CEP192: variants seen among roughly 807,000 people sequenced by gnomAD.
The protein encoded by CEP192 is centrosomal protein of 192 kDa.
A neutral mutation model predicts 271.8 loss-of-function variants in CEP192; 151 were observed. That is an observed-to-expected ratio of 0.56 (90% CI 0.49 to 0.64). The LOEUF (loss-of-function observed/expected upper bound fraction) is 0.64, where lower values mean the gene tolerates loss of function less well. Ranked by LOEUF, CEP192 falls within the 30% of genes least tolerant of loss-of-function variation. The probability of loss-of-function intolerance (pLI) is 0.00; values close to 1 mark genes in which losing one functional copy is unlikely to be tolerated. For missense variants in CEP192, 2,910 were observed against 3,020.5 expected (o/e 0.96, Z 0.86); for synonymous variants, 995 against 1,076.5 (o/e 0.92, Z 1.48).
At chr18:13,080,266 T>C (rs1174218309) in intron 30 of CEP192, among the ~76,000 whole-genome samples, 2 of 152,256 alleles carry the variant, frequency 1.3e-5, no homozygotes, top group African/African-American at 4.8e-5. Flanking sequence ...TTCCTATCCA[T>C]GAGCATGGAA....
chr18:13,076,950 A>G (rs772033778), intron 30 of CEP192, among the ~76,000 whole-genome samples: 1 of 151,960 alleles, frequency 6.6e-6, no homozygotes, highest in Non-Finnish European at 1.5e-5. Context: ...CACCCGGCTA[A>G]TTTTTGTATT....
At chr18:13,112,455 A>T (rs752974852) in intron 40 of CEP192, among the ~76,000 whole-genome samples, 17 of 152,242 alleles carry the variant, frequency 1.1e-4, no homozygotes, top group Non-Finnish European at 2.1e-4. Flanking sequence ...CCTGCTTTCC[A>T]GGGGATTAGC....
intron 4 of CEP192, among the ~76,000 whole-genome samples, chr18:13,011,592 G>T (rs2034365046): frequency 6.6e-6 from 1 of 152,092 alleles, no homozygotes; most frequent in African/African-American, 2.4e-5. Flanking sequence ...TCTTGGCTCA[G>T]TGCAGCCTCT....
In CEP192 at chr18:13,087,638, G is replaced by GT; in HGVS notation, c.5986dup (p.Tyr1996LeufsTer8). 1.3e-6 allele frequency: 2 copies of GT among 1,488,414 alleles called. No homozygotes were observed. The highest frequency in any genetic ancestry group is 1.8e-6 in the Non-Finnish European group (2 of 1,091,450). 92.2% of individuals were successfully genotyped at this position (1,488,414 alleles called of 1,614,324 possible). On this transcript the variant is annotated frameshift_variant, in exon 32 of 45. Transcript: ENST00000506447. LOFTEE classifies it high-confidence loss of function. ...GTGGAGATGAAATTTCAAGACAGCA[G>GT]TATCGCAGGTAGATTACTTATCTTA...
rs2038104000 is a variant in CEP192 at position 13,073,168 on chromosome 18, C to G, written c.5599C>G (p.Pro1867Ala). 6.2e-7 allele frequency: 1 copy of G among 1,609,754 alleles called. No individual in the cohort carries two copies. Among genetic ancestry groups the G allele is most frequent in the East Asian group, 2.2e-5 (1 of 44,850 alleles). The stretch of plus-strand genomic sequence containing the variant: ...CAAACAACTTGGAAATCGATCACAA[C>G]CAGGCATTAAGTTCACAGTAAGATC... ...EIKQLGNRSQ[P>A]GIKFTIPLSG... The change falls in exon 30 of 45, where the codon CCA becomes GCA. Residue 1867 changes from proline to alanine, a missense_variant. By Grantham distance (27) the Pro-to-Ala change is conservative (BLOSUM62 -1). Transcript: ENST00000506447.
At chr18:13,015,177 A>G (rs959452094) in intron 5 of CEP192, 151 bp from the exon 6 acceptor site, 42 of 682,168 alleles carry the variant, frequency 6.2e-5, no homozygotes, top group Admixed American at 2.0e-4. Context: ...TAATACATGT[A>G]CAATTGCTAG....
chr18:13,026,599 A>C (rs1001780307), intron 9 of CEP192, among the ~76,000 whole-genome samples: 3 of 152,002 alleles, frequency 2.0e-5, no homozygotes, highest in Admixed American at 2.0e-4. Flanking sequence ...TTGTCTTTGC[A>C]TTCAGTTTTA....
Position 13,056,021 on chromosome 18 carries a change from G to T in CEP192, c.3431G>T (p.Ser1144Ile). 6.2e-7 allele frequency: 1 copy of T among 1,614,212 alleles called. No homozygotes were observed. Among genetic ancestry groups the T allele is most frequent in the South Asian group, 1.1e-5 (1 of 91,086 alleles). The change falls in exon 19 of 45, where the codon AGT becomes ATT. Residue 1144 changes from serine (S) to isoleucine (I), a missense_variant. Ser to Ile is a moderately radical substitution (Grantham distance 142). Transcript: ENST00000506447. ...FRWSKDPSSK[S>I]GNLLETSEVG... ...TGGAGTAAAGATCCTTCCTCCAAAAGTGGAAATCTGTTGGAAACCAGTGAG... is the reference window on the plus strand; with the variant it reads ...TGGAGTAAAGATCCTTCCTCCAAAATTGGAAATCTGTTGGAAACCAGTGAG...
rs1433612160 is a variant in CEP192 at position 13,068,221 on chromosome 18, C to T, written c.4742C>T (p.Ala1581Val). The T allele has an allele frequency of 2.3e-5, 37 of 1,614,050 alleles. No homozygotes were observed. The highest frequency in any genetic ancestry group is 3.1e-5 in the Non-Finnish European group (37 of 1,180,004). Residue 1581 changes from alanine to valine, a missense_variant, in exon 23 of 45, where the codon GCT (alanine) becomes GTT (valine). By Grantham distance (64) the Ala-to-Val change is moderately conservative (BLOSUM62 0). Transcript: ENST00000506447. The part of the protein sequence containing the change: ...GPSVVNHMMP[A>V]SYDGQDPEFL... ...TCTGTGGTCAACCACATGATGCCTGCTAGTTATGATGGACAGGTGGGAGAG... is the reference window on the plus strand; with the variant it reads ...TCTGTGGTCAACCACATGATGCCTGTTAGTTATGATGGACAGGTGGGAGAG...
chr18:13,069,188 A>C lies in CEP192; in HGVS notation c.5055+7A>C, dbSNP rs745918592. The stretch of plus-strand genomic sequence containing the variant: ...AGTTTATTTGGATATCAAGGTATGC[A>C]CTTCCATGAGAGTGCCATAAGATAG... On this transcript the variant is annotated splice_region_variant and intron_variant, in intron 26 of 44. Transcript: ENST00000506447. 3 of 1,608,530 alleles carry C rather than the reference A, an allele frequency of 1.9e-6. No homozygotes were observed. The South Asian group carries it at 3.3e-5, about 18-fold the overall frequency.
At chr18:13,121,885 C>T (rs866181175) in intron 44 of CEP192, among the ~76,000 whole-genome samples, 13 of 152,376 alleles carry the variant, frequency 8.5e-5, no homozygotes, top group Middle Eastern at 3.4e-3. Flanking sequence ...AGTGACTTCT[C>T]ACCCATGTGT....
At chr18:12,994,642 A>G (rs1219976861) in intron 1 of CEP192, among the ~76,000 whole-genome samples, 1 of 152,212 alleles carries the variant, frequency 6.6e-6, no homozygotes, top group Admixed American at 6.5e-5. Flanking sequence ...TGTTTGGAAC[A>G]TAGACATGTT....
intron 34 of CEP192, among the ~76,000 whole-genome samples, chr18:13,094,278 G>A (rs959127013): frequency 6.6e-6 from 1 of 152,188 alleles, no homozygotes; most frequent in Non-Finnish European, 1.5e-5. Context: ...CAAACTGTGA[G>A]CATCCATTGA....
In CEP192 at chr18:13,056,507, A is replaced by C. The variant is rs771274897; in HGVS notation, c.3917A>C (p.Asn1306Thr). 1 of 1,614,122 alleles carries C rather than the reference A, an allele frequency of 6.2e-7. No individual in the cohort carries two copies. The highest frequency in any genetic ancestry group is 8.5e-7 in the Non-Finnish European group (1 of 1,180,018). The change falls in exon 19 of 45, where the codon AAC (asparagine) becomes ACC (threonine). Residue 1306 changes from asparagine (N) to threonine (T), a missense_variant. Asn to Thr is a moderately conservative substitution (Grantham distance 65). Transcript: ENST00000506447. ...YPAVAGEPVQ[N>T]SVAVGICLGS... ...GCTGTTGCAGGAGAGCCTGTGCAGA[A>C]CTCTGTGGCTGTGGGAATTTGTCTA...
intron 11 of CEP192, among the ~76,000 whole-genome samples, chr18:13,033,652 A>T (rs2035754773): frequency 6.6e-6 from 1 of 152,244 alleles, no homozygotes; most frequent in African/African-American, 2.4e-5. Context: ...ACAACGTTAG[A>T]AGCAATGTAG....
chr18:13,038,335 G>A (rs2143743404), intron 12 of CEP192, 35 bp from the exon 13 acceptor site: 1 of 1,483,814 alleles, frequency 6.7e-7, no homozygotes, highest in South Asian at 1.2e-5. Context: ...GTGACTTGCT[G>A]GGGGAAAGAA....
chr18:13,088,457 A>G (rs950566338), intron 32 of CEP192, among the ~76,000 whole-genome samples: 18 of 152,196 alleles, frequency 1.2e-4, no homozygotes, highest in African/African-American at 4.3e-4. Context: ...ATAAATACAT[A>G]CATACATAAA....
rs752765929 is a variant in CEP192, at chr18:13,049,471, G to C, written c.2680G>C (p.Asp894His). 1 of 1,613,920 alleles carries C rather than the reference G, an allele frequency of 6.2e-7. No homozygotes were observed. The highest frequency in any genetic ancestry group is 1.3e-5 in the African/African-American group (1 of 74,908). Reference sequence around the variant, plus strand: ...CAACAAATTACAAGATGTTGGTAACGATGAAAAAGCTACCTCAATTTCCAC... The same window carrying C: ...CAACAAATTACAAGATGTTGGTAACCATGAAAAAGCTACCTCAATTTCCAC... ...IDNKLQDVGN[D>H]EKATSISTPS... The change falls in exon 16 of 45, where the codon GAT becomes CAT. Residue 894 changes from aspartate (D) to histidine (H), a missense_variant. Transcript: ENST00000506447.
intron 40 of CEP192, among the ~76,000 whole-genome samples, chr18:13,109,437 C>T (rs768688149): frequency 6.6e-6 from 1 of 152,106 alleles, no homozygotes; most frequent in Non-Finnish European, 1.5e-5. Flanking sequence ...GTACTATGCT[C>T]AGTACCTGGG....
Sources: allele counts gnomAD v4.1 joint callset (sites outside exome capture counted in the v4.1 genomes callset), GRCh38; gene constraint gnomAD v4.1.1; transcripts MANE v1.5; gene names NCBI Gene and HGNC (gene_info 2026-07-23, HGNC 2026-07-21).